CD80: variants seen among roughly 807,000 people sequenced by gnomAD.
CD80 encodes T-lymphocyte activation antigen CD80.
CD80 carries 13 observed loss-of-function variants against 27.1 expected under a neutral mutation model. The ratio of observed to expected loss-of-function variants is 0.48; its 90% confidence interval spans 0.31 to 0.76. The LOEUF (loss-of-function observed/expected upper bound fraction) is 0.76. Ranked by LOEUF, CD80 falls within the 30% of genes least tolerant of loss-of-function variation. CD80 has a pLI of 0.04. For synonymous variants in CD80, 125 were observed against 125.5 expected (o/e 1.00, Z 0.03); for missense variants, 277 against 347.9 (o/e 0.80, Z 1.62).
At chr3:119,533,410 C>CTTT (rs11393086) in intron 4 of CD80, among the ~76,000 whole-genome samples, 33 of 146,596 alleles carry the variant, frequency 2.3e-4, no homozygotes, top group Admixed American at 5.4e-4. Context: ...TACATTTGGG[C>CTTT]TTTTTTTTTT....
intron 4 of CD80, among the ~76,000 whole-genome samples, chr3:119,532,729 C>T (rs1371304053): frequency 6.6e-6 from 1 of 152,292 alleles, no homozygotes; most frequent in East Asian, 1.9e-4. Flanking sequence ...GTTCTATATT[C>T]AGAATATCTC....
chr3:119,537,488 A>T (rs1253263740), intron 3 of CD80, 70 bp from the exon 4 acceptor site: 6 of 1,088,634 alleles, frequency 5.5e-6, no homozygotes, highest in Non-Finnish European at 7.9e-6. Context: ...TTATTTTTAA[A>T]TAATTTTCTA....
chr3:119,538,585 G>A (rs1173329153), intron 3 of CD80, among the ~76,000 whole-genome samples: 1 of 152,166 alleles, frequency 6.6e-6, no homozygotes, highest in African/African-American at 2.4e-5. Context: ...CTACCCCTTT[G>A]CTCTTGAGAA....
At chr3:119,558,075 G>A in intron 1 of CD80, 147 bp from the exon 2 acceptor site, 1 of 168,436 alleles carries the variant, frequency 5.9e-6, no homozygotes, top group Non-Finnish European at 1.3e-5. Flanking sequence ...AAAAGCGAAT[G>A]GAAATTCTGT....
intron 3 of CD80, among the ~76,000 whole-genome samples, chr3:119,538,849 G>A (rs1223616776): frequency 6.6e-6 from 1 of 152,150 alleles, no homozygotes; most frequent in African/African-American, 2.4e-5. Flanking sequence ...ACAAACCTGT[G>A]ACCTGCCTTT....
intron 3 of CD80, among the ~76,000 whole-genome samples, chr3:119,543,585 T>C (rs1219734158): frequency 6.6e-6 from 1 of 150,996 alleles, no homozygotes; most frequent in Admixed American, 6.6e-5. Context: ...GCCTCCTGAG[T>C]AGCCAACACG....
intron 2 of CD80, among the ~76,000 whole-genome samples, chr3:119,548,270 C>T (rs2082211919): frequency 6.6e-6 from 1 of 152,092 alleles, no homozygotes; most frequent in African/African-American, 2.4e-5. Flanking sequence ...GTGTGAGCCA[C>T]CACGCCTAGC....
At position 119,527,785 on chromosome 3, in the gene CD80, C is replaced by T; in HGVS notation, c.853G>A (p.Val285Ile). The change falls in exon 6 of 7, where the codon GTA (valine) becomes ATA (isoleucine). Residue 285 changes from valine to isoleucine, a missense_variant. Val to Ile is a conservative substitution (Grantham distance 29, BLOSUM62 3). Coordinates refer to ENST00000264246, the MANE Select transcript of CD80 (RefSeq NM_005191.4). ...TGCGGACACTGTTATACAGGGCGTA[C>T]ACTTTCCCTTCTCAATCTCTCATTC... Reference protein sequence around the residue: ...RRNERLRRESVRPV With the variant: ...RRNERLRRESIRPV 1 of 1,613,940 alleles carries T rather than the reference C, an allele frequency of 6.2e-7. No individual in the cohort carries two copies. The highest frequency in any genetic ancestry group is 1.1e-5 in the South Asian group (1 of 91,076).
chr3:119,557,329 T>C (rs2082270017), intron 2 of CD80, among the ~76,000 whole-genome samples: 1 of 152,202 alleles, frequency 6.6e-6, no homozygotes, highest in South Asian at 2.1e-4. Context: ...GCATCTAATA[T>C]TCATGGAAGA....
At chr3:119,530,800 T>C (rs149392210) in intron 4 of CD80, among the ~76,000 whole-genome samples, 1 of 152,258 alleles carries the variant, frequency 6.6e-6, no homozygotes. Flanking sequence ...TAAATGAATA[T>C]TTACTAACTT....
chr3:119,557,761 C>G lies in CD80; in HGVS notation c.-33G>C. 6.5e-7 allele frequency: 1 copy of G among 1,543,462 alleles called. No homozygotes were observed. The highest frequency in any genetic ancestry group is 1.4e-5 in the African/African-American group (1 of 73,316). ...GATGCTTAGGGTCAAAAGTGAAAGC[C>G]AACAATTTGGACCCAAGTAAGACCA... On this transcript the variant is annotated 5_prime_UTR_variant, in exon 2 of 7. Coordinates refer to ENST00000264246, the MANE Select transcript of CD80 (RefSeq NM_005191.4).
chr3:119,546,097 C>T (rs1300146551), intron 2 of CD80, among the ~76,000 whole-genome samples: 2 of 152,272 alleles, frequency 1.3e-5, no homozygotes, highest in South Asian at 2.1e-4. Flanking sequence ...CATAACCTAT[C>T]CCCTTCCTTT....
At chr3:119,555,138 T>C (rs2082256106) in intron 2 of CD80, among the ~76,000 whole-genome samples, 1 of 152,168 alleles carries the variant, frequency 6.6e-6, no homozygotes, top group Admixed American at 6.5e-5. Context: ...TGCTTTAGGT[T>C]CATCGAAAAA....
At chr3:119,544,343 A>C in intron 3 of CD80, 1 of 581,142 alleles carries the variant, frequency 1.7e-6, no homozygotes, top group South Asian at 2.1e-5. Flanking sequence ...TTGGATTGTC[A>C]AAGAACAAGA....
chr3:119,550,531 G>A (rs892069547), intron 2 of CD80, among the ~76,000 whole-genome samples: 1 of 152,116 alleles, frequency 6.6e-6, no homozygotes, highest in African/African-American at 2.4e-5. Context: ...TTATAAATTT[G>A]CCCAAATTTA....
At chr3:119,532,172 T>C (rs2082114845) in intron 4 of CD80, among the ~76,000 whole-genome samples, 1 of 152,140 alleles carries the variant, frequency 6.6e-6, no homozygotes, top group Admixed American at 6.6e-5. Flanking sequence ...CTGGCCCCAG[T>C]CTTCCTGGGT....
At chr3:119,527,890 A>G in intron 5 of CD80, 49 bp from the exon 6 acceptor site, 8 of 1,489,370 alleles carry the variant, frequency 5.4e-6, no homozygotes, top group Non-Finnish European at 7.5e-6. Context: ...TTTCCCTTGA[A>G]TTGTGCCCAT....
At chr3:119,548,646 C>T (rs79534834) in intron 2 of CD80, among the ~76,000 whole-genome samples, 17,923 of 152,080 alleles carry the variant, frequency 0.12, 1,345 homozygotes, top group Admixed American at 0.18. Context: ...TCTTGTTTAC[C>T]GATTTCTTCA....
chr3:119,537,049 C>G, intron 4 of CD80, 88 bp downstream of exon 4: 2 of 1,199,262 alleles, frequency 1.7e-6, no homozygotes, highest in Non-Finnish European at 2.4e-6. Context: ...ATGCATTTCT[C>G]AAAATGTATC....
Sources: gnomAD v4.1 joint callset for allele counts (sites outside exome capture counted in the v4.1 genomes callset) on GRCh38, gnomAD v4.1.1 for gene constraint, MANE v1.5 for transcripts, NCBI Gene and HGNC (gene_info 2026-07-23, HGNC 2026-07-21) for gene names.